NUDCD3: variants seen among roughly 807,000 people sequenced by gnomAD.
The protein encoded by NUDCD3 is NudC domain containing 3.
Under a neutral mutation model 39.7 loss-of-function variants are expected in NUDCD3, and 13 were observed. That is an observed-to-expected ratio of 0.33 (90% CI 0.21 to 0.52). NUDCD3 has a LOEUF of 0.52. Ranked by LOEUF, NUDCD3 falls within the 20% of genes least tolerant of loss-of-function variation. The probability of loss-of-function intolerance (pLI) is 0.96; values close to 1 mark genes in which losing one functional copy is unlikely to be tolerated. For synonymous variants in NUDCD3, 175 were observed against 172.4 expected, an observed-to-expected ratio of 1.02 and a Z score of -0.12; for missense variants, 453 against 458.1, an observed-to-expected ratio of 0.99 and a Z score of 0.10.
At chr7:44,429,965 ATTACTT>A (rs905594995) in intron 2 of NUDCD3, among the ~76,000 whole-genome samples, 3 of 152,258 alleles carry the variant, frequency 2.0e-5, no homozygotes, top group African/African-American at 7.2e-5. Context: ...AGTGGGTATT[ATTACTT>A]TTAAGTATGG....
Position 44,385,990 on chromosome 7 carries a change from G to C in NUDCD3, c.*21C>G. 1 of 1,258,668 alleles carries C rather than the reference G, an allele frequency of 7.9e-7. No individual in the cohort carries two copies. Among genetic ancestry groups the C allele is most frequent in the Non-Finnish European group, 1.2e-6 (1 of 855,860 alleles). The allele number at this position is 1,258,668 out of a possible 1,614,324, so 78.0% of individuals were successfully genotyped here. Reference sequence around the variant, plus strand: ...AAGGCTCTGCCTCCCCACCGGCGAGGGTTTCCTTTCCTTCTGGTCATTAAA... The same window carrying C: ...AAGGCTCTGCCTCCCCACCGGCGAGCGTTTCCTTTCCTTCTGGTCATTAAA... On this transcript the variant is annotated 3_prime_UTR_variant, in exon 6 of 6. Transcript: ENST00000355451.
chr7:44,394,009 C>T (rs1563163951), intron 4 of NUDCD3, among the ~76,000 whole-genome samples: 1 of 152,186 alleles, frequency 6.6e-6, no homozygotes, highest in South Asian at 2.1e-4. Flanking sequence ...CCTACCCACA[C>T]CAAAGAAGGT....
intron 2 of NUDCD3, among the ~76,000 whole-genome samples, chr7:44,435,157 T>C (rs1441900236): frequency 1.3e-5 from 2 of 152,206 alleles, no homozygotes; most frequent in African/African-American, 2.4e-5. Flanking sequence ...AATAATTTTA[T>C]CAATACCTGA....
At chr7:44,432,929 T>C (rs1167184891) in intron 2 of NUDCD3, among the ~76,000 whole-genome samples, 1 of 152,172 alleles carries the variant, frequency 6.6e-6, no homozygotes, top group Non-Finnish European at 1.5e-5. Flanking sequence ...TGTGTTCCCC[T>C]AAAACGTGTA....
chr7:44,476,866 C>T lies in NUDCD3; in HGVS notation c.509+8102G>A, dbSNP rs957583852. ...AGGCATGGTTACCTGCTGGGGAAAGCGGAGGGATGAACTACTGGAAAAGAC... is the reference window on the plus strand; with the variant it reads ...AGGCATGGTTACCTGCTGGGGAAAGTGGAGGGATGAACTACTGGAAAAGAC... On this transcript the variant is annotated intron_variant, in intron 2 of 5. Coordinates refer to ENST00000355451, the MANE Select transcript of NUDCD3 (RefSeq NM_015332.4). 2.0e-5 allele frequency among the ~76,000 whole-genome samples: 3 copies of T among 152,084 alleles called. No homozygotes were observed. The East Asian group carries it at 5.8e-4, about 29-fold the overall frequency.
At chr7:44,394,541 TC>T (rs1263736573) in intron 4 of NUDCD3, among the ~76,000 whole-genome samples, 3 of 152,294 alleles carry the variant, frequency 2.0e-5, no homozygotes, top group Admixed American at 2.0e-4. Flanking sequence ...AAAGAAGAGA[TC>T]CTTTACGAAT....
intron 3 of NUDCD3, among the ~76,000 whole-genome samples, chr7:44,412,690 G>A (rs1223124890): frequency 2.0e-5 from 3 of 152,044 alleles, no homozygotes; most frequent in Admixed American, 6.5e-5. Context: ...CACTTTGGGA[G>A]GCCGAGGCAG....
intron 2 of NUDCD3, among the ~76,000 whole-genome samples, chr7:44,454,854 A>G (rs2116940120): frequency 6.6e-6 from 1 of 152,166 alleles, no homozygotes; most frequent in Non-Finnish European, 1.5e-5. Flanking sequence ...GGATTGCTTA[A>G]GCCCAGGAGG....
At chr7:44,485,367 G>A (rs1439397174) in intron 1 of NUDCD3, 83 bp from the exon 2 acceptor site, 5 of 1,224,574 alleles carry the variant, frequency 4.1e-6, no homozygotes, top group Non-Finnish European at 1.1e-6. Flanking sequence ...TAAAATCTGT[G>A]AAGGAGAGAA....
At chr7:44,472,598 T>C (rs1800276458) in intron 2 of NUDCD3, among the ~76,000 whole-genome samples, 1 of 152,220 alleles carries the variant, frequency 6.6e-6, no homozygotes, top group South Asian at 2.1e-4. Flanking sequence ...TAAACACTAG[T>C]TCTACCAAGT....
At chr7:44,436,091 G>A (rs1585077534) in intron 2 of NUDCD3, among the ~76,000 whole-genome samples, 2 of 152,214 alleles carry the variant, frequency 1.3e-5, no homozygotes, top group African/African-American at 4.8e-5. Flanking sequence ...GACCTTTGCT[G>A]GGATGCTAAT....
At chr7:44,420,941 C>T (rs1342421269) in intron 3 of NUDCD3, among the ~76,000 whole-genome samples, 1 of 152,234 alleles carries the variant, frequency 6.6e-6, no homozygotes, top group Non-Finnish European at 1.5e-5. Flanking sequence ...ACTGCATCAA[C>T]TAATGTGCAA....
intron 4 of NUDCD3, among the ~76,000 whole-genome samples, chr7:44,395,854 T>C (rs529609103): frequency 6.6e-6 from 1 of 152,348 alleles, no homozygotes; most frequent in African/African-American, 2.4e-5. Flanking sequence ...ACTTTTTGGC[T>C]GTTGTGAATA....
intron 2 of NUDCD3, among the ~76,000 whole-genome samples, chr7:44,440,357 C>T (rs981470017): frequency 2.0e-5 from 3 of 152,102 alleles, no homozygotes; most frequent in Non-Finnish European, 2.9e-5. Flanking sequence ...AAAGTGTGAA[C>T]GTCCATGAAA....
chr7:44,475,174 T>C (rs1037405951), intron 2 of NUDCD3, among the ~76,000 whole-genome samples: 6 of 151,052 alleles, frequency 4.0e-5, no homozygotes, highest in Non-Finnish European at 8.9e-5. Flanking sequence ...TGCAGTGGCA[T>C]GATCTCAGCT....
chr7:44,458,704 CA>C (rs773430398), intron 2 of NUDCD3, among the ~76,000 whole-genome samples: 1 of 152,112 alleles, frequency 6.6e-6, no homozygotes, highest in African/African-American at 2.4e-5. Flanking sequence ...GGTAGTTATA[CA>C]ACCTTGTAAA....
chr7:44,419,934 C>T (rs1384358514), intron 3 of NUDCD3, among the ~76,000 whole-genome samples: 1 of 152,136 alleles, frequency 6.6e-6, no homozygotes. Flanking sequence ...ACCAGAATGC[C>T]TCTTCTCCTC....
chr7:44,407,563 T>A (rs1798851057), intron 3 of NUDCD3, among the ~76,000 whole-genome samples: 2 of 120,530 alleles, frequency 1.7e-5, no homozygotes, highest in African/African-American at 6.7e-5. Context: ...TGAAATTCTG[T>A]CTCAAAAAAA....
At chr7:44,430,311 G>A (rs1350291260) in intron 2 of NUDCD3, among the ~76,000 whole-genome samples, 1 of 152,192 alleles carries the variant, frequency 6.6e-6, no homozygotes, top group Admixed American at 6.5e-5. Context: ...CAGACACAGA[G>A]AGGGGGACTC....
Sources: gnomAD v4.1 joint callset for allele counts (sites outside exome capture counted in the v4.1 genomes callset) on GRCh38, gnomAD v4.1.1 for gene constraint, MANE v1.5 for transcripts, NCBI Gene and HGNC (gene_info 2026-07-23, HGNC 2026-07-21) for gene names.